PLEKHG1: variants seen among roughly 807,000 people sequenced by gnomAD.
The protein encoded by PLEKHG1 is pleckstrin homology and RhoGEF domain containing G1.
A neutral mutation model predicts 100.8 loss-of-function variants in PLEKHG1; 44 were observed. The observed-to-expected ratio is 0.44, with a 90% CI of 0.34 to 0.56. The LOEUF is 0.56. Ranked by LOEUF, PLEKHG1 falls within the 20% of genes least tolerant of loss-of-function variation. PLEKHG1 has a pLI of 0.01. For synonymous variants in PLEKHG1, 640 were observed against 662.5 expected (o/e 0.97, Z 0.52); for missense variants, 1,545 against 1,720.9 (o/e 0.90, Z 1.81).
intron 2 of PLEKHG1, among the ~76,000 whole-genome samples, chr6:150,647,830 A>T (rs1350362798): frequency 1.3e-5 from 2 of 152,192 alleles, no homozygotes; most frequent in African/African-American, 4.8e-5. Flanking sequence ...TTTATAGAAC[A>T]GCCTCTGAGG....
At chr6:150,604,656 T>C (rs1384658957) in intron 1 of PLEKHG1, among the ~76,000 whole-genome samples, 1 of 152,098 alleles carries the variant, frequency 6.6e-6, no homozygotes, top group Non-Finnish European at 1.5e-5. Context: ...ATAATCAAGA[T>C]CATTTCGTCA....
intron 3 of PLEKHG1, among the ~76,000 whole-genome samples, chr6:150,782,450 C>G (rs928285361): frequency 3.3e-5 from 5 of 152,068 alleles, no homozygotes; most frequent in Non-Finnish European, 7.4e-5. Flanking sequence ...TGGTTTCAGA[C>G]TCAAACAGGC....
exon 16 of PLEKHG1, chr6:150,841,059 A>G (rs1033317142): frequency 2.8e-6 from 2 of 708,018 alleles, no homozygotes; most frequent in Middle Eastern, 2.4e-4. Context: ...ATGGCTGACG[A>G]TGCAGCCCGG....
chr6:150,711,880 C>T (rs1219338734), intron 3 of PLEKHG1, among the ~76,000 whole-genome samples: 3 of 152,150 alleles, frequency 2.0e-5, no homozygotes, highest in Non-Finnish European at 2.9e-5. Context: ...ATCAAGCAGG[C>T]CATAAGTCAA....
chr6:150,717,926 A>G (rs1008448333), upstream of PLEKHG1, among the ~76,000 whole-genome samples: 46 of 152,162 alleles, frequency 3.0e-4, no homozygotes, highest in Middle Eastern at 6.8e-3. Flanking sequence ...AAATACAAAA[A>G]AATTAGCTGG....
chr6:150,775,711 T>C (rs910622655), intron 3 of PLEKHG1, among the ~76,000 whole-genome samples: 1 of 152,220 alleles, frequency 6.6e-6, no homozygotes, highest in African/African-American at 2.4e-5. Flanking sequence ...TTCTTCTCCT[T>C]GCAATGTAAT....
chr6:150,699,646 A>G (rs974995646), intron 3 of PLEKHG1, among the ~76,000 whole-genome samples: 11 of 152,176 alleles, frequency 7.2e-5, no homozygotes, highest in Admixed American at 3.9e-4. Context: ...CAGTCATACC[A>G]TAGGCCTATT....
intron 3 of PLEKHG1, among the ~76,000 whole-genome samples, chr6:150,696,732 A>T (rs1023855087): frequency 1.3e-5 from 2 of 152,200 alleles, no homozygotes; most frequent in Admixed American, 1.3e-4. Flanking sequence ...GAGAGGGAAA[A>T]TGTCTCAAGG....
chr6:150,670,823 A>T (rs1779558255), intron 3 of PLEKHG1, among the ~76,000 whole-genome samples: 1 of 152,074 alleles, frequency 6.6e-6, no homozygotes, highest in Non-Finnish European at 1.5e-5. Context: ...AGTGGTACCC[A>T]TCACCCATGA....
intron 3 of PLEKHG1, among the ~76,000 whole-genome samples, chr6:150,777,239 TACTC>T (rs1785030075): frequency 1.3e-5 from 2 of 148,842 alleles, no homozygotes; most frequent in African/African-American, 5.0e-5. Context: ...GGTTGCACAT[TACTC>T]AACACTAATG....
intron 3 of PLEKHG1, among the ~76,000 whole-genome samples, chr6:150,705,464 C>G (rs553291322): frequency 6.6e-6 from 1 of 152,378 alleles, no homozygotes; most frequent in East Asian, 1.9e-4. Context: ...ACCGCCTGTC[C>G]CACTCAACCC....
At chr6:150,801,967 T>C (rs1490851414) in intron 6 of PLEKHG1, among the ~76,000 whole-genome samples, 2 of 152,162 alleles carry the variant, frequency 1.3e-5, no homozygotes, top group Non-Finnish European at 1.5e-5. Flanking sequence ...AAGTAAGCTA[T>C]TGTTTTTTAT....
At chr6:150,711,114 A>G (rs1448884918) in intron 3 of PLEKHG1, among the ~76,000 whole-genome samples, 1 of 152,208 alleles carries the variant, frequency 6.6e-6, no homozygotes, top group Admixed American at 6.5e-5. Flanking sequence ...ATGTCTTTTT[A>G]ACGTTTTTTA....
chr6:150,797,133 C>T (rs548320044), intron 5 of PLEKHG1, among the ~76,000 whole-genome samples: 28 of 151,894 alleles, frequency 1.8e-4, no homozygotes, highest in African/African-American at 5.3e-4. Context: ...GTAATTACAC[C>T]GCACCCCACC....
At chr6:150,807,812 T>G (rs1256992166) in intron 7 of PLEKHG1, among the ~76,000 whole-genome samples, 1 of 151,940 alleles carries the variant, frequency 6.6e-6, no homozygotes, top group Admixed American at 6.6e-5. Context: ...CTTCTAAAAA[T>G]ACAAAAATTA....
intron 3 of PLEKHG1, among the ~76,000 whole-genome samples, chr6:150,776,731 A>G (rs542584310): frequency 4.5e-4 from 68 of 150,090 alleles, no homozygotes; most frequent in African/African-American, 1.6e-3. Flanking sequence ...CACTGATGCA[A>G]TCCTGGTGCA....
At chr6:150,704,447 A>G (rs775690403) in intron 3 of PLEKHG1, among the ~76,000 whole-genome samples, 8 of 152,182 alleles carry the variant, frequency 5.3e-5, no homozygotes, top group Non-Finnish European at 1.0e-4. Context: ...TGGAGAGTCT[A>G]ATCCTTGAAG....
chr6:150,648,659 A>G (rs1778594584), intron 2 of PLEKHG1, among the ~76,000 whole-genome samples: 1 of 151,998 alleles, frequency 6.6e-6, no homozygotes, highest in African/African-American at 2.4e-5. Context: ...CTCTCTTTGT[A>G]CCTTATCAGA....
intron 2 of PLEKHG1, among the ~76,000 whole-genome samples, chr6:150,760,533 A>C (rs1457161625): frequency 6.6e-6 from 1 of 152,172 alleles, no homozygotes; most frequent in Non-Finnish European, 1.5e-5. Context: ...ATTCTGGTAA[A>C]CACGGTGGTG....
Sources: gnomAD v4.1 joint callset for allele counts (sites outside exome capture counted in the v4.1 genomes callset) on GRCh38, gnomAD v4.1.1 for gene constraint, MANE v1.5 for transcripts, NCBI Gene and HGNC (gene_info 2026-07-23, HGNC 2026-07-21) for gene names.